PACS1: variants seen among roughly 807,000 people sequenced by gnomAD.
PACS1 encodes PACS-1.
Under a neutral mutation model 115.0 loss-of-function variants are expected in PACS1, and 24 were observed. The ratio of observed to expected loss-of-function variants is 0.21; its 90% CI spans 0.15 to 0.29. PACS1 has a LOEUF of 0.29. Among genes scored for constraint, PACS1 ranks in the 10% least tolerant of loss-of-function variants. The pLI is 1.00. For missense variants in PACS1, 838 were observed against 1,251.2 expected (o/e 0.67, Z 4.98); for synonymous variants, 453 against 504.5 (o/e 0.90, Z 1.37).
At chr11:66,168,997 G>A (rs1859675569) in intron 1 of PACS1, among the ~76,000 whole-genome samples, 1 of 150,102 alleles carries the variant, frequency 6.7e-6, no homozygotes, top group Admixed American at 6.6e-5. Context: ...ATATTTTTAT[G>A]TCTTTTTTGT....
chr11:66,077,163 G>A (rs1488363694), intron 1 of PACS1, among the ~76,000 whole-genome samples: 3 of 152,184 alleles, frequency 2.0e-5, no homozygotes, highest in Non-Finnish European at 2.9e-5. Context: ...CTCAGGGATC[G>A]CCACTTAGGC....
chr11:66,204,478 T>G (rs1186598346), intron 2 of PACS1, among the ~76,000 whole-genome samples: 1 of 152,146 alleles, frequency 6.6e-6, no homozygotes, highest in Admixed American at 6.5e-5. Context: ...TGGAAAATAG[T>G]ATGGAGTTTC....
At chr11:66,142,382 A>C (rs2134595723) in intron 1 of PACS1, among the ~76,000 whole-genome samples, 1 of 152,144 alleles carries the variant, frequency 6.6e-6, no homozygotes, top group Non-Finnish European at 1.5e-5. Context: ...GCAATGCCGC[A>C]ATCTCGGCTC....
intron 1 of PACS1, among the ~76,000 whole-genome samples, chr11:66,092,947 C>T (rs1299898100): frequency 6.6e-6 from 1 of 152,076 alleles, no homozygotes; most frequent in African/African-American, 2.4e-5. Flanking sequence ...AGTCAGGTAG[C>T]GTGATGCCTC....
In PACS1 at chr11:66,233,860, C is replaced by G. The variant is rs760783452; in HGVS notation, c.1914C>G (p.Ile638Met). 1 of 1,609,630 alleles carries G rather than the reference C, an allele frequency of 6.2e-7. No homozygotes were observed. Among genetic ancestry groups the G allele is most frequent in the Admixed American group, 1.7e-5 (1 of 59,322 alleles). Residue 638 changes from isoleucine (I) to methionine (M), a missense_variant, in exon 16 of 24, where the codon ATC becomes ATG. By Grantham distance (10) the Ile-to-Met change is conservative (BLOSUM62 1). This residue lies in a region of PACS1 where 383 missense variants were observed against 537.0 expected (regional missense o/e 0.71). Transcript: ENST00000320580. The surrounding 1 kb of genome is among the most constrained non-coding windows in gnomAD (Gnocchi z 4.5). ...AVGGQSYLSS[I>M]LRFFVKSLAN... ...GAGGCCAGAGCTACCTGAGCTCCATCCTCAGGTTCTTTGTCAAGTCCCTGG... is the reference window on the plus strand; with the variant it reads ...GAGGCCAGAGCTACCTGAGCTCCATGCTCAGGTTCTTTGTCAAGTCCCTGG...
Position 66,072,656 on chromosome 11 carries a change from A to C in PACS1, c.356+1814A>C, listed in dbSNP as rs548596616. Among the ~76,000 whole-genome samples the C allele has an allele frequency of 2.0e-5, 3 of 152,256 alleles. No individual in the cohort carries two copies. In the South Asian group the frequency reaches 6.2e-4, roughly 32 times the overall value. On this transcript the variant is annotated intron_variant, in intron 1 of 23. Transcript: ENST00000320580. The stretch of plus-strand genomic sequence containing the variant: ...GTGATGGTGTTCCTCTCTTGATCCT[A>C]AGCAGGCCTCTCTCTTTCTATACAG...
chr11:66,187,634 G>A (rs1441838813), intron 1 of PACS1, among the ~76,000 whole-genome samples: 1 of 152,090 alleles, frequency 6.6e-6, no homozygotes, highest in Non-Finnish European at 1.5e-5. Context: ...CAAATGACAG[G>A]ATCTCACACT....
chr11:66,145,499 C>A (rs1859100425), intron 1 of PACS1, among the ~76,000 whole-genome samples: 1 of 152,052 alleles, frequency 6.6e-6, no homozygotes, highest in Non-Finnish European at 1.5e-5. Flanking sequence ...GCAAACTAGC[C>A]CAAAACTTAA....
Position 66,074,738 on chromosome 11 carries a change from T to C in PACS1, c.356+3896T>C, listed in dbSNP as rs147416028. 3.3e-5 allele frequency among the ~76,000 whole-genome samples: 5 copies of C among 152,122 alleles called. No individual in the cohort carries two copies. The East Asian group carries it at 7.7e-4, about 24-fold the overall frequency. On this transcript the variant is annotated intron_variant, in intron 1 of 23. Transcript: ENST00000320580. ...GGTCAAGCCTTAATGGACAAAAGCGTTGGAATCACAGAAGGTGGCCATAGC... is the reference window on the plus strand; with the variant it reads ...GGTCAAGCCTTAATGGACAAAAGCGCTGGAATCACAGAAGGTGGCCATAGC...
intron 1 of PACS1, among the ~76,000 whole-genome samples, chr11:66,180,662 T>C (rs1859989206): frequency 3.3e-5 from 5 of 151,924 alleles, no homozygotes. Context: ...CTTATTTTTT[T>C]ACTTACTTAA....
chr11:66,105,650 T>C (rs1393204079), intron 1 of PACS1, among the ~76,000 whole-genome samples: 3 of 152,212 alleles, frequency 2.0e-5, no homozygotes, highest in Non-Finnish European at 4.4e-5. Flanking sequence ...TCAGAAATGA[T>C]TTTAAATATG....
At chr11:66,202,724 AG>A (rs533637068) in intron 2 of PACS1, among the ~76,000 whole-genome samples, 2 of 18,452 alleles carry the variant, frequency 1.1e-4, no homozygotes, top group African/African-American at 3.7e-4. Flanking sequence ...CCTCATCTCT[AG>A]GAAAAAAAAA....
chr11:66,189,662 A>G (rs1434988573), intron 1 of PACS1, among the ~76,000 whole-genome samples: 1 of 152,238 alleles, frequency 6.6e-6, no homozygotes, highest in Non-Finnish European at 1.5e-5. Flanking sequence ...AAGAATCTTA[A>G]GCAGAGAAGA....
Position 66,214,032 on chromosome 11 carries a change from C to CAAA in PACS1, c.661-2064_661-2062dup, listed in dbSNP as rs71036278. Among the ~76,000 whole-genome samples the CAAA allele has an allele frequency of 7.0e-3, 301 of 42,712 alleles. 8 individuals carry two copies. Among genetic ancestry groups the CAAA allele is most frequent in the Admixed American group, 0.01 (29 of 2,894 alleles). 28.0% of individuals were successfully genotyped at this position (42,712 alleles called of 152,430 possible). ...TGGGCGACAGCGCGAGACTCCATCTCAAAAAAAAAAAAAAAAAAAAAAAAA... is the reference window on the plus strand; with the variant it reads ...TGGGCGACAGCGCGAGACTCCATCTCAAAAAAAAAAAAAAAAAAAAAAAAAAAA... On this transcript the variant is annotated intron_variant, in intron 4 of 23. Coordinates refer to ENST00000320580, the MANE Select transcript of PACS1 (RefSeq NM_018026.4).
At chr11:66,203,344 A>G (rs1854860026) in intron 2 of PACS1, among the ~76,000 whole-genome samples, 1 of 152,214 alleles carries the variant, frequency 6.6e-6, no homozygotes, top group South Asian at 2.1e-4. Flanking sequence ...GATGCAAGAA[A>G]TCTAAATAGA....
chr11:66,214,032 CAAAAAAAAAAA>C (rs71036278), intron 4 of PACS1, among the ~76,000 whole-genome samples: 1 of 42,982 alleles, frequency 2.3e-5, no homozygotes, highest in South Asian at 1.7e-3. Context: ...GACTCCATCT[CAAAAAAAAAAA>C]AAAAAAAAAA....
At chr11:66,091,383 C>T (rs1219239792) in intron 1 of PACS1, among the ~76,000 whole-genome samples, 2 of 152,090 alleles carry the variant, frequency 1.3e-5, no homozygotes, top group African/African-American at 2.4e-5. Flanking sequence ...TCAAGCAGTC[C>T]ACCCACCTCG....
At chr11:66,152,221 G>A (rs1859255944) in intron 1 of PACS1, among the ~76,000 whole-genome samples, 1 of 152,022 alleles carries the variant, frequency 6.6e-6, no homozygotes, top group Admixed American at 6.6e-5. Context: ...CTGACAACAT[G>A]TCTCAAAAGA....
At chr11:66,189,743 A>G (rs901492689) in intron 1 of PACS1, among the ~76,000 whole-genome samples, 11 of 152,348 alleles carry the variant, frequency 7.2e-5, no homozygotes, top group Middle Eastern at 3.4e-3. Context: ...CCACAAATCA[A>G]TTTGAAGGTG....
Sources: gnomAD v4.1 joint callset for allele counts (sites outside exome capture counted in the v4.1 genomes callset) on GRCh38, gnomAD v4.1.1 for gene constraint, gnomAD v4.1.1 regional missense constraint, Gnocchi (gnomAD v3.1) non-coding constraint, MANE v1.5 for transcripts, NCBI Gene and HGNC (gene_info 2026-07-23, HGNC 2026-07-21) for gene names.